Variants in IP6K1 observed in about 807,000 individuals in gnomAD.
The protein encoded by IP6K1 is inositol hexakisphosphate kinase 1.
IP6K1 carries 13 observed loss-of-function variants against 38.3 expected under a neutral mutation model. The ratio of observed to expected loss-of-function variants is 0.34; its 90% CI spans 0.22 to 0.54. The LOEUF is 0.54. Ranked by LOEUF, IP6K1 falls within the 20% of genes least tolerant of loss-of-function variation. The pLI is 0.92. For synonymous variants in IP6K1, 212 were observed against 229.9 expected (o/e 0.92, Z 0.70); for missense variants, 397 against 599.8 (o/e 0.66, Z 3.53).
Position 49,773,333 on chromosome 3 carries a change from G to A in IP6K1, c.-129+13021C>T, listed in dbSNP as rs1483872141. ...TATGTAAGATAGCCACATACTGGCC[G>A]GGCGCGGTGGCTCACGCCTGTAATC... is the stretch of plus-strand genomic sequence containing the variant. On this transcript the variant is annotated intron_variant, in intron 1 of 5. Transcript: ENST00000321599. Among the ~76,000 whole-genome samples, 27 of 152,234 alleles carry A rather than the reference G, an allele frequency of 1.8e-4. No individual in the cohort carries two copies. In the East Asian group the frequency reaches 4.6e-3, roughly 26 times the overall value.
At chr3:49,763,522 T>C (rs2080884429) in intron 1 of IP6K1, among the ~76,000 whole-genome samples, 1 of 152,180 alleles carries the variant, frequency 6.6e-6, no homozygotes, top group South Asian at 2.1e-4. Flanking sequence ...CAAAAATTTT[T>C]AGCAAAACAA....
chr3:49,758,599 T>C (rs2080844098), intron 1 of IP6K1: 1 of 152,338 alleles, frequency 6.6e-6, no homozygotes, highest in East Asian at 1.9e-4. Context: ...ACAGAAATTA[T>C]GACTTCATGA....
At chr3:49,769,877 T>C (rs1460350979) in intron 1 of IP6K1, among the ~76,000 whole-genome samples, 2 of 152,176 alleles carry the variant, frequency 1.3e-5, no homozygotes, top group African/African-American at 4.8e-5. Context: ...AATATGGAAC[T>C]GAGGCTTCCT....
At chr3:49,743,171 G>A (rs2080686403) in intron 2 of IP6K1, among the ~76,000 whole-genome samples, 2 of 151,382 alleles carry the variant, frequency 1.3e-5, no homozygotes, top group Admixed American at 1.3e-4. Context: ...AGTGAGCCAA[G>A]TTCATACCAC....
intron 1 of IP6K1, among the ~76,000 whole-genome samples, chr3:49,785,039 T>A (rs960273035): frequency 1.3e-5 from 2 of 152,130 alleles, no homozygotes; most frequent in African/African-American, 4.8e-5. Context: ...TATGACCACA[T>A]ACAAGAAGAC....
At chr3:49,760,745 CCTGA>C (rs1382987952) in intron 1 of IP6K1, among the ~76,000 whole-genome samples, 1 of 152,080 alleles carries the variant, frequency 6.6e-6, no homozygotes, top group Non-Finnish European at 1.5e-5. Context: ...AACTTCCTTT[CCTGA>C]CTCTCATGTG....
At chr3:49,752,040 C>G (rs1204867055) in intron 1 of IP6K1, among the ~76,000 whole-genome samples, 1 of 152,098 alleles carries the variant, frequency 6.6e-6, no homozygotes, top group Non-Finnish European at 1.5e-5. Context: ...AGTTGGGGGT[C>G]TGTCGTCCAG....
intron 1 of IP6K1, among the ~76,000 whole-genome samples, chr3:49,778,405 G>A (rs1258122180): frequency 6.6e-6 from 1 of 151,904 alleles, no homozygotes; most frequent in Non-Finnish European, 1.5e-5. Context: ...GGCCAAGGCA[G>A]GTGGATGGCT....
Position 49,725,622 on chromosome 3 carries a change from C to T in IP6K1, c.*1500G>A, listed in dbSNP as rs775559975. The stretch of plus-strand genomic sequence containing the variant: ...CCTAAAGTGACAATGAACAGTGTGG[C>T]CCTAGGCTCAAAGGAGAGGGTGCTA... On this transcript the variant is annotated 3_prime_UTR_variant, in exon 6 of 6. Transcript: ENST00000321599. The T allele has an allele frequency of 6.5e-6, 1 of 152,712 alleles. No individual in the cohort carries two copies. The highest frequency in any genetic ancestry group is 1.9e-4 in the East Asian group (1 of 5,208). 9.5% of individuals were successfully genotyped at this position (152,712 alleles called of 1,614,324 possible).
intron 4 of IP6K1, among the ~76,000 whole-genome samples, chr3:49,728,599 G>A (rs1020921171): frequency 4.0e-5 from 6 of 151,236 alleles, no homozygotes; most frequent in Admixed American, 6.6e-5. Flanking sequence ...TTTTTGAAAC[G>A]GAGTCTCGCT....
intron 1 of IP6K1, among the ~76,000 whole-genome samples, chr3:49,779,687 T>TTTTTC (rs1190725851): frequency 2.0e-5 from 3 of 152,078 alleles, no homozygotes; most frequent in African/African-American, 7.2e-5. Context: ...TACACCCAAA[T>TTTTTC]TTTTCTTTTC....
chr3:49,751,152 T>TG (rs1317217306), intron 1 of IP6K1, among the ~76,000 whole-genome samples: 11 of 34,750 alleles, frequency 3.2e-4, no homozygotes, highest in African/African-American at 4.2e-4. Flanking sequence ...TGACTCCTTT[T>TG]TTTTTTGTTG....
At chr3:49,763,849 C>G (rs949054878) in intron 1 of IP6K1, among the ~76,000 whole-genome samples, 3 of 151,942 alleles carry the variant, frequency 2.0e-5, no homozygotes, top group African/African-American at 7.3e-5. Flanking sequence ...AACCCCGTCT[C>G]TACTAAAAAT....
chr3:49,766,100 C>T (rs770065395), intron 1 of IP6K1, among the ~76,000 whole-genome samples: 4 of 151,954 alleles, frequency 2.6e-5, no homozygotes, highest in South Asian at 2.1e-4. Context: ...GGTGTCAATC[C>T]GGGAGGCGGA....
chr3:49,767,148 T>A (rs2080919266), intron 1 of IP6K1, among the ~76,000 whole-genome samples: 1 of 151,498 alleles, frequency 6.6e-6, no homozygotes, highest in Admixed American at 6.6e-5. Context: ...CACTGGCTCA[T>A]ACCAGTAGTC....
chr3:49,750,141 T>TTGC (rs1239381339), intron 1 of IP6K1, among the ~76,000 whole-genome samples: 3 of 151,964 alleles, frequency 2.0e-5, no homozygotes, highest in Admixed American at 1.3e-4. Context: ...AAAAATAGAG[T>TTGC]TGCTGGATTG....
At chr3:49,756,817 CA>C (rs59808252) in intron 1 of IP6K1, among the ~76,000 whole-genome samples, 5 of 133,264 alleles carry the variant, frequency 3.8e-5, no homozygotes, top group Non-Finnish European at 4.7e-5. Flanking sequence ...AACTCCATCT[CA>C]AAAAAAAAAA....
chr3:49,752,314 C>T (rs1253202560), intron 1 of IP6K1, among the ~76,000 whole-genome samples: 1 of 151,914 alleles, frequency 6.6e-6, no homozygotes, highest in Non-Finnish European at 1.5e-5. Context: ...AGTGAAACCC[C>T]GTCTCTACTA....
At chr3:49,737,071 C>CAT (rs956971245) in intron 3 of IP6K1, among the ~76,000 whole-genome samples, 1 of 113,036 alleles carries the variant, frequency 8.8e-6, no homozygotes. Context: ...CAAGCCTGGC[C>CAT]TTTTTTTTTT....
Sources: gnomAD v4.1 joint callset for allele counts (sites outside exome capture counted in the v4.1 genomes callset) on GRCh38, gnomAD v4.1.1 for gene constraint, MANE v1.5 for transcripts, NCBI Gene and HGNC (gene_info 2026-07-23, HGNC 2026-07-21) for gene names.